Variants in NRF1 observed in about 807,000 individuals in gnomAD.
The protein encoded by NRF1 is nuclear respiratory factor 1.
A neutral mutation model predicts 58.5 loss-of-function variants in NRF1; 5 were observed. That is an observed-to-expected ratio of 0.09 (90% CI 0.04 to 0.18). The LOEUF is 0.18. Among genes scored for constraint, NRF1 ranks in the 10% least tolerant of loss-of-function variants. The probability of loss-of-function intolerance (pLI) is 1.00; values close to 1 mark genes in which losing one functional copy is unlikely to be tolerated. For synonymous variants in NRF1, 224 were observed against 246.7 expected (o/e 0.91, Z 0.86); for missense variants, 288 against 657.7 (o/e 0.44, Z 6.15).
At chr7:129,615,916 G>A (rs1013831470) in intron 1 of NRF1, among the ~76,000 whole-genome samples, 1 of 152,084 alleles carries the variant, frequency 6.6e-6, no homozygotes. Flanking sequence ...TGAGCTATTG[G>A]AAACTTTTAA....
rs187242567 is a variant in NRF1, at chr7:129,741,690, T to C, written c.1349-13328T>C. 1.7e-4 allele frequency among the ~76,000 whole-genome samples: 26 copies of C among 152,298 alleles called. No homozygotes were observed. Among genetic ancestry groups the C allele is most frequent in the Admixed American group, 1.4e-3 (21 of 15,298 alleles). ...TCTTGGGTAAAGGGGACTTTCCTCT[T>C]TTTATTTATGCTTCCATTAGGATTT... On this transcript the variant is annotated intron_variant, in intron 10 of 10. Transcript: ENST00000393232. The surrounding 1 kb of genome is among the most constrained non-coding windows in gnomAD (Gnocchi z 4.0).
At chr7:129,716,460 T>C (rs1171650594) in intron 8 of NRF1, among the ~76,000 whole-genome samples, 1 of 152,188 alleles carries the variant, frequency 6.6e-6, no homozygotes, top group Non-Finnish European at 1.5e-5. Flanking sequence ...GCCTATATAT[T>C]TTTAAACTTT....
intron 10 of NRF1, among the ~76,000 whole-genome samples, chr7:129,752,351 G>A (rs1804138637): frequency 6.7e-6 from 1 of 148,824 alleles, no homozygotes; most frequent in Non-Finnish European, 1.5e-5. Context: ...TAGATTGGGG[G>A]AACTGAGAGT....
intron 2 of NRF1, among the ~76,000 whole-genome samples, chr7:129,669,922 C>T (rs1449282776): frequency 1.3e-5 from 2 of 152,112 alleles, no homozygotes; most frequent in Non-Finnish European, 2.9e-5. Context: ...TTCACAATAG[C>T]AAGATGTGAA....
chr7:129,681,026 A>G (rs535980330), intron 4 of NRF1, among the ~76,000 whole-genome samples: 1 of 152,362 alleles, frequency 6.6e-6, no homozygotes, highest in East Asian at 1.9e-4. Context: ...GTTGTAATTA[A>G]AAGGGTCTTG....
chr7:129,733,114 C>T (rs1238457628), intron 10 of NRF1, among the ~76,000 whole-genome samples: 1 of 151,388 alleles, frequency 6.6e-6, no homozygotes, highest in African/African-American at 2.4e-5. Flanking sequence ...AACTTTTATT[C>T]AAAATTCCAA....
chr7:129,689,137 G>T (rs1802507875), intron 4 of NRF1, among the ~76,000 whole-genome samples: 1 of 152,182 alleles, frequency 6.6e-6, no homozygotes, highest in African/African-American at 2.4e-5. Context: ...CTACCAGTTT[G>T]TGCTATTTTT....
intron 4 of NRF1, among the ~76,000 whole-genome samples, chr7:129,684,517 A>G (rs747253390): frequency 3.9e-5 from 6 of 152,236 alleles, no homozygotes; most frequent in Non-Finnish European, 8.8e-5. Flanking sequence ...AAAGTGATTA[A>G]AGAACTACAT....
At chr7:129,667,894 A>G (rs568113443) in intron 2 of NRF1, among the ~76,000 whole-genome samples, 77 of 151,936 alleles carry the variant, frequency 5.1e-4, no homozygotes, top group African/African-American at 1.6e-3. Context: ...TCAGCCTCCC[A>G]AGTAGCTGGG....
chr7:129,613,986 C>G (rs988872697), intron 1 of NRF1, among the ~76,000 whole-genome samples: 1 of 152,162 alleles, frequency 6.6e-6, no homozygotes, highest in Non-Finnish European at 1.5e-5. Flanking sequence ...CCTTTAATTT[C>G]CTCACACAGC....
rs1803850747 is a variant in NRF1 at position 129,741,751 on chromosome 7, A to G, written c.1349-13267A>G. Among the ~76,000 whole-genome samples the G allele has an allele frequency of 6.6e-6, 1 of 152,176 alleles. No individual in the cohort carries two copies. ...CCAGTGCACTGTTATTAACTCTAAT[A>G]GCTTGTCCCTCGCAGCCAGGATGGT... On this transcript the variant is annotated intron_variant, in intron 10 of 10. Transcript: ENST00000393232. The surrounding 1 kb of genome is among the most constrained non-coding windows in gnomAD (Gnocchi z 4.0).
chr7:129,621,921 T>C lies in NRF1; in HGVS notation c.-7+10097T>C, dbSNP rs188715226. Among the ~76,000 whole-genome samples the C allele has an allele frequency of 1.7e-3, 255 of 152,102 alleles. 8 individuals are homozygous for C. The East Asian group carries it at 0.044, about 26-fold the overall frequency. On this transcript the variant is annotated intron_variant, in intron 1 of 10. Coordinates refer to ENST00000393232, the MANE Select transcript of NRF1 (RefSeq NM_005011.5). ...CCTCAGCCTCCTGAGTAGCTGGGATTACAGGCACCCGCCACCATGCCGGGC... is the reference window on the plus strand; with the variant it reads ...CCTCAGCCTCCTGAGTAGCTGGGATCACAGGCACCCGCCACCATGCCGGGC...
chr7:129,748,735 T>A (rs752928580), intron 10 of NRF1, among the ~76,000 whole-genome samples: 1 of 152,262 alleles, frequency 6.6e-6, no homozygotes, highest in African/African-American at 2.4e-5. Context: ...ATGATAAACA[T>A]ACTTATTCAT....
At chr7:129,674,464 T>C (rs1224130471) in intron 3 of NRF1, among the ~76,000 whole-genome samples, 1 of 152,092 alleles carries the variant, frequency 6.6e-6, no homozygotes, top group African/African-American at 2.4e-5. Flanking sequence ...AGACAGAGTC[T>C]AGCTCTGCTG....
chr7:129,722,323 G>A (rs1482474866), intron 9 of NRF1, among the ~76,000 whole-genome samples: 4 of 151,260 alleles, frequency 2.6e-5, no homozygotes, highest in East Asian at 1.9e-4. Flanking sequence ...CCTGGGAGGC[G>A]GAGGTTGCAG....
intron 1 of NRF1, among the ~76,000 whole-genome samples, chr7:129,619,480 GTGTGTGTGTGTA>G (rs1392502903): frequency 1.1e-3 from 35 of 30,812 alleles, no homozygotes; most frequent in Middle Eastern, 0.017. Context: ...GTGTGTGTGT[GTGTGTGTGTGTA>G]TATATATATA....
chr7:129,754,464 T>TAAAAA lies in NRF1; in HGVS notation c.1349-539_1349-535dup, dbSNP rs57595268. On this transcript the variant is annotated intron_variant, in intron 10 of 10. Coordinates refer to ENST00000393232, the MANE Select transcript of NRF1 (RefSeq NM_005011.5). The stretch of plus-strand genomic sequence containing the variant: ...GGCTACAGAGCCAGACCCTGTCTCT[T>TAAAAA]AAAAAAAAAAAAAAAAAAAGTTAAA... 1.3e-3 allele frequency among the ~76,000 whole-genome samples: 67 copies of TAAAAA among 51,208 alleles called. 6 individuals carry two copies. Among genetic ancestry groups the TAAAAA allele is most frequent in the African/African-American group, 5.0e-3 (52 of 10,474 alleles). 33.6% of individuals were successfully genotyped at this position (51,208 alleles called of 152,430 possible).
chr7:129,682,970 G>A (rs1344631264), intron 4 of NRF1, among the ~76,000 whole-genome samples: 2 of 151,872 alleles, frequency 1.3e-5, no homozygotes, highest in African/African-American at 2.4e-5. Context: ...TTGTTCTGTT[G>A]CCCAGGCTGG....
intron 1 of NRF1, among the ~76,000 whole-genome samples, chr7:129,617,367 G>A (rs1800680408): frequency 6.6e-6 from 1 of 152,194 alleles, no homozygotes; most frequent in African/African-American, 2.4e-5. Flanking sequence ...GGGAAATGAG[G>A]AAATGTCCCA....
Sources: gnomAD v4.1 joint callset for allele counts (sites outside exome capture counted in the v4.1 genomes callset) on GRCh38, gnomAD v4.1.1 for gene constraint, Gnocchi (gnomAD v3.1) non-coding constraint, MANE v1.5 for transcripts, NCBI Gene and HGNC (gene_info 2026-07-23, HGNC 2026-07-21) for gene names.